RGL2: variants seen among roughly 807,000 people sequenced by gnomAD.
The protein encoded by RGL2 is ral guanine nucleotide dissociation stimulator-like 2.
Under a neutral mutation model 84.6 loss-of-function variants are expected in RGL2, and 40 were observed. That is an observed-to-expected ratio of 0.47 (90% CI 0.37 to 0.62). The LOEUF is 0.62. RGL2 is among the 20% of genes least tolerant of loss of function. The pLI is 0.00. For synonymous variants in RGL2, 369 were observed against 417.3 expected (o/e 0.88, Z 1.41); for missense variants, 865 against 1,019.7 (o/e 0.85, Z 2.07).
At position 33,298,861 on chromosome 6, in the gene RGL2, G is replaced by A. The variant is rs1768288514; in HGVS notation, c.-42+9C>T. 1 of 386,888 alleles carries A rather than the reference G, an allele frequency of 2.6e-6. No homozygotes were observed. Among genetic ancestry groups the A allele is most frequent in the Non-Finnish European group, 4.6e-6 (1 of 216,650 alleles). 24.0% of individuals were successfully genotyped at this position (386,888 alleles called of 1,614,324 possible). On this transcript the variant is annotated intron_variant, in intron 1 of 17. Coordinates refer to ENST00000497454, the MANE Select transcript of RGL2 (RefSeq NM_004761.5). The surrounding 1 kb of genome is among the most constrained non-coding windows in gnomAD (Gnocchi z 4.8). ...AGTACGGGGACGCGCAGGGTGCTCAGGCTCTGACCTGCTCGGGAGGGGTGG... is the reference window on the plus strand; with the variant it reads ...AGTACGGGGACGCGCAGGGTGCTCAAGCTCTGACCTGCTCGGGAGGGGTGG...
chr6:33,291,870 C>T lies in RGL2; in HGVS notation c.*232G>A, dbSNP rs1767421987. On this transcript the variant is annotated 3_prime_UTR_variant, in exon 18 of 18. Transcript: ENST00000497454. ...TTTCCAGCACTACCTGTGTGCTGCA[C>T]TCATGGAAGGTGGGAAGCTATACAC... 1 of 603,170 alleles carries T rather than the reference C, an allele frequency of 1.7e-6. No homozygotes were observed. The highest frequency in any genetic ancestry group is 2.9e-6 in the Non-Finnish European group (1 of 339,432). 37.4% of individuals were successfully genotyped at this position (603,170 alleles called of 1,614,324 possible).
At position 33,294,815 on chromosome 6, in the gene RGL2, C is replaced by A; in HGVS notation, c.1279-53G>T. ...GCCTGCCATTGACGTGAGGGCCCTC[C>A]ATCCCTCCGCACTTGCCCTCCTCAT... is the stretch of plus-strand genomic sequence containing the variant. On this transcript the variant is annotated intron_variant, in intron 10 of 17. Transcript: ENST00000497454. This position sits in a 1 kb window ranked among gnomAD's most constrained non-coding sequence, Gnocchi z 5.0. The A allele has an allele frequency of 6.3e-7, 1 of 1,576,502 alleles. No individual in the cohort carries two copies. The highest frequency in any genetic ancestry group is 8.7e-7 in the Non-Finnish European group (1 of 1,151,096).
At position 33,296,195 on chromosome 6, in the gene RGL2, C is replaced by G. The variant is rs770400622; in HGVS notation, c.601G>C (p.Gly201Arg). 6.2e-7 allele frequency: 1 copy of G among 1,613,866 alleles called. No homozygotes were observed. Among genetic ancestry groups the G allele is most frequent in the African/African-American group, 1.3e-5 (1 of 74,924 alleles). Residue 201 changes from glycine to arginine, a missense_variant, in exon 6 of 18, where the codon GGG becomes CGG. By Grantham distance (125) the Gly-to-Arg change is moderately radical (BLOSUM62 -2). Around this residue, in one of 5 missense-constraint regions of RGL2, gnomAD observed 455 missense variants for 507.8 expected, o/e 0.90. Coordinates refer to ENST00000497454, the MANE Select transcript of RGL2 (RefSeq NM_004761.5). This position sits in a 1 kb window ranked among gnomAD's most constrained non-coding sequence, Gnocchi z 5.0. Reference protein sequence around the residue: ...QTGYAAGKGVGGGSADLIRNL... With the variant: ...QTGYAAGKGVRGGSADLIRNL... ...CGGATGAGGTCAGCGCTGCCCCCCC[C>G]AACACCCTTCCCTGCTGCATACCCT...
Position 33,297,129 on chromosome 6 carries a change from G to T in RGL2, c.157-14C>A, listed in dbSNP as rs1321464458. 3.9e-6 allele frequency: 6 copies of T among 1,538,726 alleles called. No individual in the cohort carries two copies. Among genetic ancestry groups the T allele is most frequent in the Non-Finnish European group, 5.2e-6 (6 of 1,148,266 alleles). ...GGACACAGGGGCCTGGAGGAGCAAGGAAGGGGAAGTCAGACAGTTCCACAC... is the reference window on the plus strand; with the variant it reads ...GGACACAGGGGCCTGGAGGAGCAAGTAAGGGGAAGTCAGACAGTTCCACAC... On this transcript the variant is annotated splice_polypyrimidine_tract_variant and intron_variant, in intron 2 of 17. Transcript: ENST00000497454. This position sits in a 1 kb window ranked among gnomAD's most constrained non-coding sequence, Gnocchi z 4.0.
At chr6:33,300,831 T>A (rs1581732539), upstream of RGL2, 1 of 151,098 alleles carries the variant, frequency 6.6e-6, no homozygotes, top group South Asian at 2.1e-4. Context: ...CCAGGCATGG[T>A]GGAGGACGCC....
Position 33,293,169 on chromosome 6 carries a change from G to T in RGL2, c.1854C>A (p.Ala618=), listed in dbSNP as rs760005602. 2 of 1,605,808 alleles carry T rather than the reference G, an allele frequency of 1.2e-6. No individual in the cohort carries two copies. The highest frequency in any genetic ancestry group is 1.3e-5 in the African/African-American group (1 of 74,680). ...CCCCACTCAGCGGGGAGCCACAGGA[G>T]GCTGAGCGGCGGTGACCTCGAGAAG... is the stretch of plus-strand genomic sequence containing the variant. ...PRPSRGHRRS[A]SCGSPLSGGA... The change falls in exon 16 of 18, where the codon GCC becomes GCA. Residue 618 remains alanine, a synonymous_variant. Transcript: ENST00000497454. The surrounding 1 kb of genome is among the most constrained non-coding windows in gnomAD (Gnocchi z 7.0).
chr6:33,296,898 A>G lies in RGL2; in HGVS notation c.241-122T>C, dbSNP rs777083572. 2 of 1,501,774 alleles carry G rather than the reference A, an allele frequency of 1.3e-6. No individual in the cohort carries two copies. The highest frequency in any genetic ancestry group is 1.4e-5 in the African/African-American group (1 of 72,514). The allele number at this position is 1,501,774 out of a possible 1,614,324, so 93.0% of individuals were successfully genotyped here. On this transcript the variant is annotated intron_variant, in intron 3 of 17. Transcript: ENST00000497454. The surrounding 1 kb of genome is among the most constrained non-coding windows in gnomAD (Gnocchi z 5.0). ...TTTTCTGATATTCAGAGAGGGCAAG[A>G]GTCTTGGCCTATGTCACACAGCAGA...
rs562970780 is a variant in RGL2 at position 33,297,285 on chromosome 6, C to G, written c.157-170G>C. ...GGAGCTGGTGACCCCAGGTCTCCCC[C>G]ACTGGGGCCCAGACAGCCCCACCCC... On this transcript the variant is annotated intron_variant, in intron 2 of 17. Transcript: ENST00000497454. The surrounding 1 kb of genome is among the most constrained non-coding windows in gnomAD (Gnocchi z 4.0). The G allele has an allele frequency of 2.5e-4, 138 of 552,058 alleles. No homozygotes were observed. Among genetic ancestry groups the G allele is most frequent in the Non-Finnish European group, 9.4e-5 (30 of 320,320 alleles). 34.2% of individuals were successfully genotyped at this position (552,058 alleles called of 1,614,324 possible).
Position 33,295,416 on chromosome 6 carries a change from G to A in RGL2, c.1027C>T (p.Arg343Trp), listed in dbSNP as rs754581795. 3.1e-6 allele frequency: 5 copies of A among 1,612,370 alleles called. No homozygotes were observed. Among genetic ancestry groups the A allele is most frequent in the Non-Finnish European group, 8.5e-7 (1 of 1,179,822 alleles). ...ACTGAAGAGAAGTTTCGGAGCAGCC[G>A]GCACTCCTGTGGGGGTCAAAGAAGA... ...EKWIRVAEEC[R>W]LLRNFSSVYA... is the part of the protein sequence containing the mutation. The change falls in exon 8 of 18, where the codon CGG becomes TGG. Residue 343 changes from arginine (R) to tryptophan (W), a missense_variant. This residue lies in a region of RGL2 where 455 missense variants were observed against 507.8 expected (regional missense o/e 0.90). Transcript: ENST00000497454. This position sits in a 1 kb window ranked among gnomAD's most constrained non-coding sequence, Gnocchi z 7.2.
rs112573101 is a variant in RGL2, at chr6:33,297,885, A to G, written c.156+570T>C. 6,742 of 151,470 alleles carry G rather than the reference A, an allele frequency of 0.045. 507 individuals are homozygous for G. The highest frequency in any genetic ancestry group is 0.15 in the African/African-American group (6,327 of 41,134). 9.4% of individuals were successfully genotyped at this position (151,470 alleles called of 1,614,324 possible). ...GAGGCCCGAAATCCTGCTCCTGGCC[A>G]CCACCATTAATCCCTAATGAAAACA... On this transcript the variant is annotated intron_variant, in intron 2 of 17. Coordinates refer to ENST00000497454, the MANE Select transcript of RGL2 (RefSeq NM_004761.5). The surrounding 1 kb of genome is among the most constrained non-coding windows in gnomAD (Gnocchi z 4.0).
chr6:33,293,410 C>CA lies in RGL2; in HGVS notation c.1716+2dup. On this transcript the variant is annotated splice_region_variant and intron_variant, in intron 15 of 17. Coordinates refer to ENST00000497454, the MANE Select transcript of RGL2 (RefSeq NM_004761.5). This position sits in a 1 kb window ranked among gnomAD's most constrained non-coding sequence, Gnocchi z 7.0. ...CAAGGTCAGAGTCAGGAGCAGAGCT[C>CA]ACCTGGGCCAGCCGAGTCAGCAGAG... The CA allele has an allele frequency of 6.2e-7, 1 of 1,612,992 alleles. No individual in the cohort carries two copies. The highest frequency in any genetic ancestry group is 8.5e-7 in the Non-Finnish European group (1 of 1,179,504).
Position 33,294,826 on chromosome 6 carries a change from A to T in RGL2, c.1279-64T>A, listed in dbSNP as rs144541616. On this transcript the variant is annotated intron_variant, in intron 10 of 17. Transcript: ENST00000497454. This position sits in a 1 kb window ranked among gnomAD's most constrained non-coding sequence, Gnocchi z 5.0. ...ACGTGAGGGCCCTCCATCCCTCCGC[A>T]CTTGCCCTCCTCATTGCCTCAGAGA... 6.4e-7 allele frequency: 1 copy of T among 1,558,516 alleles called. No individual in the cohort carries two copies. Among genetic ancestry groups the T allele is most frequent in the Non-Finnish European group, 8.8e-7 (1 of 1,138,126 alleles).
At position 33,295,845 on chromosome 6, in the gene RGL2, A is replaced by G. The variant is rs1486049276; in HGVS notation, c.769-86T>C. On this transcript the variant is annotated intron_variant, in intron 6 of 17. Coordinates refer to ENST00000497454, the MANE Select transcript of RGL2 (RefSeq NM_004761.5). The surrounding 1 kb of genome is among the most constrained non-coding windows in gnomAD (Gnocchi z 7.2). ...AGGGATCTGAGGATCTCAGGTGGCC[A>G]AGGAACCAGAGGGGCACAGGGTTTG... The G allele has an allele frequency of 5.3e-6, 8 of 1,516,462 alleles. No individual in the cohort carries two copies. The highest frequency in any genetic ancestry group is 7.2e-6 in the Non-Finnish European group (8 of 1,109,802). 93.9% of individuals were successfully genotyped at this position (1,516,462 alleles called of 1,614,324 possible). A position where few individuals can be genotyped will look rare whatever the true frequency, so the allele number is the denominator to read the frequency against.
rs760667729 is a variant in RGL2, at chr6:33,296,895, AAG to A, written c.241-121_241-120del. 57 of 1,511,382 alleles carry A rather than the reference AAG, an allele frequency of 3.8e-5. No homozygotes were observed. The highest frequency in any genetic ancestry group is 5.1e-5 in the Non-Finnish European group (56 of 1,088,372). The allele number at this position is 1,511,382 out of a possible 1,614,324, so 93.6% of individuals were successfully genotyped here. A position where few individuals can be genotyped will look rare whatever the true frequency, so the allele number is the denominator to read the frequency against. ...CATTTTTCTGATATTCAGAGAGGGC[AAG>A]AGTCTTGGCCTATGTCACACAGCAG... On this transcript the variant is annotated intron_variant, in intron 3 of 17. Transcript: ENST00000497454. The surrounding 1 kb of genome is among the most constrained non-coding windows in gnomAD (Gnocchi z 5.0).
rs979089018 is a variant in RGL2, at chr6:33,294,619, G to T, written c.1353+69C>A. ...TGCCTTACAGCCCCTTGCAAGGGGC[G>T]GGGGGGTCTGTCCGACCCTGCAGCC... On this transcript the variant is annotated intron_variant, in intron 11 of 17. Coordinates refer to ENST00000497454, the MANE Select transcript of RGL2 (RefSeq NM_004761.5). The surrounding 1 kb of genome is among the most constrained non-coding windows in gnomAD (Gnocchi z 5.0). 3.3e-6 allele frequency: 5 copies of T among 1,528,952 alleles called. No individual in the cohort carries two copies. Among genetic ancestry groups the T allele is most frequent in the African/African-American group, 2.7e-5 (2 of 73,344 alleles). The allele number at this position is 1,528,952 out of a possible 1,614,324, so 94.7% of individuals were successfully genotyped here.
rs748001316 is a variant in RGL2, at chr6:33,293,926, A to G, written c.1387-10T>C. ...AAAGGACTGCAAACTCCTGGGAAGG[A>G]GCCCTCAAACTGCAGGAGCCAAAAC... On this transcript the variant is annotated splice_polypyrimidine_tract_variant and intron_variant, in intron 12 of 17. Coordinates refer to ENST00000497454, the MANE Select transcript of RGL2 (RefSeq NM_004761.5). The surrounding 1 kb of genome is among the most constrained non-coding windows in gnomAD (Gnocchi z 7.0). The G allele has an allele frequency of 4.3e-6, 7 of 1,614,052 alleles. No homozygotes were observed. In the East Asian group the frequency reaches 1.3e-4, roughly 31 times the overall value.
Position 33,294,661 on chromosome 6 carries a change from G to A in RGL2, c.1353+27C>T, listed in dbSNP as rs141898873. Reference sequence around the variant, plus strand: ...CCTGCAGCCCACTTGTTACATCATTGCAATGACACACACACACACCACTGA... The same window carrying A: ...CCTGCAGCCCACTTGTTACATCATTACAATGACACACACACACACCACTGA... On this transcript the variant is annotated intron_variant, in intron 11 of 17. Coordinates refer to ENST00000497454, the MANE Select transcript of RGL2 (RefSeq NM_004761.5). The surrounding 1 kb of genome is among the most constrained non-coding windows in gnomAD (Gnocchi z 5.0). 2.7e-5 allele frequency: 43 copies of A among 1,612,436 alleles called. 1 individual carries two copies. In the Middle Eastern group the frequency reaches 6.6e-4, roughly 25 times the overall value.
chr6:33,293,147 C>A lies in RGL2; in HGVS notation c.1876G>T (p.Gly626Trp). 6.2e-7 allele frequency: 1 copy of A among 1,611,222 alleles called. No individual in the cohort carries two copies. Among genetic ancestry groups the A allele is most frequent in the South Asian group, 1.1e-5 (1 of 90,744 alleles). ...CCCCCGGAGGCCTCTTCTGCACCCC[C>A]ACTCAGCGGGGAGCCACAGGAGGCT... ...RSASCGSPLS[G>W]GAEEASGGTG... The change falls in exon 16 of 18, where the codon GGG becomes TGG. Residue 626 changes from glycine (G) to tryptophan (W), a missense_variant. Physicochemically the swap from Gly to Trp is radical, Grantham distance 184. This residue lies in a region of RGL2 where 302 missense variants were observed against 327.9 expected (regional missense o/e 0.92). Transcript: ENST00000497454. The surrounding 1 kb of genome is among the most constrained non-coding windows in gnomAD (Gnocchi z 7.0).
Position 33,298,425 on chromosome 6 carries a change from G to A in RGL2, c.156+30C>T. The A allele has an allele frequency of 8.1e-7, 1 of 1,233,556 alleles. No homozygotes were observed. The highest frequency in any genetic ancestry group is 1.4e-5 in the South Asian group (1 of 73,302). The allele number at this position is 1,233,556 out of a possible 1,614,324, so 76.4% of individuals were successfully genotyped here. On this transcript the variant is annotated intron_variant, in intron 2 of 17. Coordinates refer to ENST00000497454, the MANE Select transcript of RGL2 (RefSeq NM_004761.5). The surrounding 1 kb of genome is among the most constrained non-coding windows in gnomAD (Gnocchi z 4.8). The stretch of plus-strand genomic sequence containing the variant: ...AAGTGGAGACTTCAGAAATACATAC[G>A]CCCCCTACCTCCCACCACCCGCGTC...
Sources: allele counts gnomAD v4.1 joint callset, GRCh38; gene constraint gnomAD v4.1.1; regional missense constraint gnomAD v4.1.1; non-coding constraint Gnocchi (gnomAD v3.1); transcripts MANE v1.5; gene names NCBI Gene and HGNC (gene_info 2026-07-23, HGNC 2026-07-21).